LRP6: variants seen among roughly 807,000 people sequenced by gnomAD.
The protein encoded by LRP6 is low-density lipoprotein receptor-related protein 6.
Under a neutral mutation model 184.1 loss-of-function variants are expected in LRP6, and 43 were observed. The observed-to-expected ratio is 0.23, with a 90% confidence interval of 0.18 to 0.30. LRP6 has a LOEUF of 0.30. Among genes scored for constraint, LRP6 ranks in the 10% least tolerant of loss-of-function variants. The pLI, the probability that LRP6 is intolerant of heterozygous loss-of-function variation, is 1.00. For missense variants in LRP6, 1,571 were observed against 2,005.3 expected (o/e 0.78, Z 4.14); for synonymous variants, 719 against 684.9 (o/e 1.05, Z -0.78).
chr12:12,126,191 C>T (rs919709408), intron 20 of LRP6, among the ~76,000 whole-genome samples: 1 of 152,222 alleles, frequency 6.6e-6, no homozygotes, highest in East Asian at 1.9e-4. Flanking sequence ...CTCAGCTATG[C>T]CTAAACTAGC....
intron 1 of LRP6, among the ~76,000 whole-genome samples, chr12:12,252,195 T>C (rs1865340192): frequency 6.6e-6 from 1 of 152,232 alleles, no homozygotes; most frequent in Non-Finnish European, 1.5e-5. Flanking sequence ...AAAATCTTTT[T>C]TTTTTTCCGG....
At chr12:12,232,938 A>C (rs375141870) in intron 2 of LRP6, among the ~76,000 whole-genome samples, 1 of 152,190 alleles carries the variant, frequency 6.6e-6, no homozygotes. Flanking sequence ...TATTATAACA[A>C]AAGATGCACC....
chr12:12,180,972 A>AC (rs1456875688), intron 6 of LRP6, 71 bp downstream of exon 6: 8 of 1,516,642 alleles, frequency 5.3e-6, no homozygotes, highest in Middle Eastern at 3.4e-4. Flanking sequence ...ATGTTATCTT[A>AC]GTCAATGTTT....
chr12:12,249,560 C>CT (rs1865270608), intron 1 of LRP6: 10 of 485,206 alleles, frequency 2.1e-5, no homozygotes, highest in Non-Finnish European at 3.7e-5. Flanking sequence ...CTAGATATGT[C>CT]TTGTAGACCT....
chr12:12,125,767 C>T (rs920216356), intron 20 of LRP6, among the ~76,000 whole-genome samples: 4 of 152,070 alleles, frequency 2.6e-5, no homozygotes, highest in East Asian at 1.9e-4. Flanking sequence ...GGTTGTGAGG[C>T]AGGGCATATT....
rs374151434 is a variant in LRP6, at chr12:12,266,976, C to T, written c.-241G>A. 46 of 536,508 alleles carry T rather than the reference C, an allele frequency of 8.6e-5. No individual in the cohort carries two copies. Among genetic ancestry groups the T allele is most frequent in the East Asian group, 7.4e-4 (22 of 29,758 alleles). 33.2% of individuals were successfully genotyped at this position (536,508 alleles called of 1,614,324 possible). ...TCTGCTTCCATCCCGCCGCCTCCTCCCCCGGCGCCCCGCTTCCCCCGCGCA... is the reference window on the plus strand; with the variant it reads ...TCTGCTTCCATCCCGCCGCCTCCTCTCCCGGCGCCCCGCTTCCCCCGCGCA... On this transcript the variant is annotated 5_prime_UTR_variant, in exon 1 of 23. Transcript: ENST00000261349.
intron 2 of LRP6, among the ~76,000 whole-genome samples, chr12:12,219,444 C>T (rs144098260): frequency 0.011 from 1,721 of 152,222 alleles, 20 homozygotes; most frequent in Non-Finnish European, 0.015. Context: ...ACCTTGTGAT[C>T]CGCCCACCTC....
intron 2 of LRP6, among the ~76,000 whole-genome samples, chr12:12,242,685 C>A (rs751947764): frequency 1.3e-5 from 2 of 152,196 alleles, no homozygotes; most frequent in African/African-American, 4.8e-5. Flanking sequence ...GTTTTTCCTA[C>A]GATCAGAGCC....
intron 5 of LRP6, among the ~76,000 whole-genome samples, chr12:12,182,335 T>A (rs1863364504): frequency 6.6e-6 from 1 of 152,196 alleles, no homozygotes; most frequent in South Asian, 2.1e-4. Context: ...TTCACTGAAT[T>A]TTAAATTAGG....
chr12:12,148,617 A>AT (rs1271978605), intron 14 of LRP6, among the ~76,000 whole-genome samples: 1 of 152,240 alleles, frequency 6.6e-6, no homozygotes, highest in Non-Finnish European at 1.5e-5. Flanking sequence ...AGTACTGAGT[A>AT]TTCAGGAGGG....
At chr12:12,249,438 G>T in intron 1 of LRP6, 4 of 742,768 alleles carry the variant, frequency 5.4e-6, no homozygotes, top group East Asian at 2.5e-5. Flanking sequence ...TAATCGAAAA[G>T]AAAAACCACA....
At chr12:12,234,407 G>A (rs1378577426) in intron 2 of LRP6, among the ~76,000 whole-genome samples, 2 of 151,836 alleles carry the variant, frequency 1.3e-5, no homozygotes, top group Non-Finnish European at 2.9e-5. Context: ...CCCAGATCGT[G>A]CCACTACACT....
At position 12,121,188 on chromosome 12, in the gene LRP6, C is replaced by G. The variant is rs1354636965; in HGVS notation, c.4780G>C (p.Glu1594Gln). ...YESCPPSPYT[E>Q]RSYSHHLYPP... ...TAGAGGTGATGAGAATAGCTCCTCT[C>G]TGTGTATGGAGAAGGTGGGCAGCTT... Residue 1594 changes from glutamate to glutamine, a missense_variant, in exon 23 of 23, where the codon GAG (glutamate) becomes CAG (glutamine). Coordinates refer to ENST00000261349, the MANE Select transcript of LRP6 (RefSeq NM_002336.3). 1.9e-6 allele frequency: 3 copies of G among 1,614,058 alleles called. No individual in the cohort carries two copies. The highest frequency in any genetic ancestry group is 1.7e-5 in the Admixed American group (1 of 60,004).
In LRP6 at chr12:12,266,522, T is replaced by G. The variant is rs1361145391; in HGVS notation, c.55+159A>C. Among the ~76,000 whole-genome samples, 3 of 151,988 alleles carry G rather than the reference T, an allele frequency of 2.0e-5. No individual in the cohort carries two copies. The East Asian group carries it at 5.8e-4, about 30-fold the overall frequency. ...GTGGCCGGGCGGTGCACGCAGCCCC[T>G]GCTCCCGGGCCCCTTTCTCTCCCCC... On this transcript the variant is annotated intron_variant, in intron 1 of 22. Transcript: ENST00000261349.
At chr12:12,255,864 C>T (rs951101201) in intron 1 of LRP6, among the ~76,000 whole-genome samples, 1 of 152,090 alleles carries the variant, frequency 6.6e-6, no homozygotes, top group Non-Finnish European at 1.5e-5. Context: ...GCCACTGCAC[C>T]TTGGCCTCAG....
chr12:12,129,876 C>T (rs1055145816), intron 19 of LRP6, among the ~76,000 whole-genome samples: 5 of 152,102 alleles, frequency 3.3e-5, no homozygotes, highest in African/African-American at 1.2e-4. Context: ...TACCATTTTT[C>T]TAAGATGCCT....
Position 12,150,942 on chromosome 12 carries a change from C to T in LRP6, c.2888G>A (p.Ser963Asn), listed in dbSNP as rs754423798. Residue 963 changes from serine to asparagine, a missense_variant, in exon 13 of 23, where the codon AGC becomes AAC. By Grantham distance (46) the Ser-to-Asn change is conservative. This residue lies in a region of LRP6 where 763 missense variants were observed against 859.5 expected (regional missense o/e 0.89). Transcript: ENST00000261349. ...GTCAATGGCCCGGACATTCCGAAGG[C>T]TGTGGATGGGAAGGATGATGTCGGG... ...QSPDIILPIH[S>N]LRNVRAIDYD... 1 of 1,614,144 alleles carries T rather than the reference C, an allele frequency of 6.2e-7. No homozygotes were observed. The highest frequency in any genetic ancestry group is 2.2e-5 in the East Asian group (1 of 44,888).
rs554119622 is a variant in LRP6, at chr12:12,174,277, A to G, written c.1545+5533T>C. 6.6e-5 allele frequency among the ~76,000 whole-genome samples: 10 copies of G among 152,132 alleles called. No individual in the cohort carries two copies. The East Asian group carries it at 1.7e-3, about 26-fold the overall frequency. ...CAGGCGCATGCCACCACGTTTGGCT[A>G]ATTTTTGTATTTTTAGTAGAGACGG... is the stretch of plus-strand genomic sequence containing the variant. On this transcript the variant is annotated intron_variant, in intron 7 of 22. Transcript: ENST00000261349.
At chr12:12,249,671 AGAAG>A (rs3053796) in intron 1 of LRP6, among the ~76,000 whole-genome samples, 17,683 of 141,154 alleles carry the variant, frequency 0.13, 1,208 homozygotes, top group African/African-American at 0.17. Flanking sequence ...GTGCTATAAC[AGAAG>A]GAAGGAAGGA....
Sources: allele counts gnomAD v4.1 joint callset (sites outside exome capture counted in the v4.1 genomes callset), GRCh38; gene constraint gnomAD v4.1.1; regional missense constraint gnomAD v4.1.1; transcripts MANE v1.5; gene names NCBI Gene and HGNC (gene_info 2026-07-23, HGNC 2026-07-21).